The following QTGAL variants were observed in gnomAD, a reference collection of about 807,000 sequenced individuals.
QTGAL encodes BGnT-like protein 1.
At chr17:83,014,558 T>A in the QTGAL span, 1 of 1,608,392 alleles carries the variant, frequency 6.2e-7, no homozygotes. Flanking sequence ...TTTGTTTGCA[T>A]TGATTGATGC....
the QTGAL span, among the ~76,000 whole-genome samples, chr17:83,002,753 C>T: frequency 6.6e-6 from 1 of 152,222 alleles, no homozygotes; most frequent in African/African-American, 2.4e-5. Flanking sequence ...TTGTCCACAT[C>T]GCATGCAGCA....
the QTGAL span, among the ~76,000 whole-genome samples, chr17:82,964,082 C>T: frequency 9.3e-5 from 14 of 149,884 alleles, no homozygotes; most frequent in South Asian, 2.3e-3. Flanking sequence ...GGCAACATGT[C>T]GAAACCAGTC....
At chr17:82,996,422 T>C in the QTGAL span, among the ~76,000 whole-genome samples, 1 of 150,700 alleles carries the variant, frequency 6.6e-6, no homozygotes, top group Non-Finnish European at 1.5e-5. Context: ...CTCAGCAAGC[T>C]GAGGCAGGAG....
the QTGAL span, among the ~76,000 whole-genome samples, chr17:83,041,930 T>C: frequency 1.3e-5 from 2 of 152,192 alleles, no homozygotes; most frequent in Non-Finnish European, 2.9e-5. Context: ...AGGCAGTTCA[T>C]TGTAGGGCTG....
the QTGAL span, among the ~76,000 whole-genome samples, chr17:82,965,276 C>T: frequency 6.6e-6 from 1 of 151,942 alleles, no homozygotes; most frequent in Non-Finnish European, 1.5e-5. Context: ...TGCAGGTGCA[C>T]CCCCGGGGGG....
chr17:82,997,678 A>G, the QTGAL span, among the ~76,000 whole-genome samples: 1 of 152,218 alleles, frequency 6.6e-6, no homozygotes, highest in African/African-American at 2.4e-5. Context: ...TGTGGTACAT[A>G]CACACAATGA....
chr17:82,953,027 G>A, the QTGAL span, among the ~76,000 whole-genome samples: 1 of 152,158 alleles, frequency 6.6e-6, no homozygotes, highest in African/African-American at 2.4e-5. Flanking sequence ...CAGAATCCCT[G>A]GGACACAGCT....
the QTGAL span, among the ~76,000 whole-genome samples, chr17:82,974,095 T>C: frequency 5.1e-4 from 78 of 152,182 alleles, no homozygotes; most frequent in African/African-American, 1.8e-3. Context: ...CCTCGGAGAG[T>C]TCTCCTGCCC....
At chr17:82,987,447 A>G in the QTGAL span, among the ~76,000 whole-genome samples, 1 of 152,246 alleles carries the variant, frequency 6.6e-6, no homozygotes, top group African/African-American at 2.4e-5. Flanking sequence ...AAGTACACTA[A>G]TGACAGTCAC....
the QTGAL span, chr17:82,946,842 A>C: frequency 1.4e-6 from 2 of 1,471,180 alleles, no homozygotes; most frequent in Non-Finnish European, 1.9e-6. Context: ...CATAATAAAG[A>C]AACAAACCCA....
chr17:82,980,384 G>A, the QTGAL span, among the ~76,000 whole-genome samples: 1 of 152,118 alleles, frequency 6.6e-6, no homozygotes, highest in Non-Finnish European at 1.5e-5. Flanking sequence ...CACCAGTCAG[G>A]CATCCTCTAA....
the QTGAL span, among the ~76,000 whole-genome samples, chr17:83,011,234 G>A: frequency 2.5e-4 from 38 of 152,354 alleles, no homozygotes; most frequent in Non-Finnish European, 4.0e-4. Flanking sequence ...CCTCAGGAAC[G>A]GGGGCAAGTT....
the QTGAL span, among the ~76,000 whole-genome samples, chr17:83,027,028 C>A: frequency 6.7e-6 from 1 of 149,214 alleles, no homozygotes; most frequent in Non-Finnish European, 1.5e-5. Context: ...AGCCTGCAGA[C>A]AAACCCACCC....
At chr17:83,045,790 C>G in the QTGAL span, among the ~76,000 whole-genome samples, 1 of 150,400 alleles carries the variant, frequency 6.6e-6, no homozygotes, top group Admixed American at 6.6e-5. Flanking sequence ...ATAAACATTT[C>G]TTCAAGGAAG....
the QTGAL span, chr17:83,006,287 C>T: frequency 2.9e-5 from 29 of 985,370 alleles, no homozygotes; most frequent in Non-Finnish European, 3.4e-5. The surrounding 1 kb of genome is among the most constrained non-coding windows in gnomAD (Gnocchi z 5.8). Context: ...ACTTGTGTAG[C>T]GTTTACGCGT....
the QTGAL span, among the ~76,000 whole-genome samples, chr17:82,980,109 T>C: frequency 9.5e-4 from 144 of 152,194 alleles, no homozygotes; most frequent in Non-Finnish European, 1.8e-3. Flanking sequence ...TGTAAAACTA[T>C]AAAACTTTTA....
the QTGAL span, among the ~76,000 whole-genome samples, chr17:82,969,461 G>A: frequency 6.6e-6 from 1 of 152,116 alleles, no homozygotes; most frequent in Non-Finnish European, 1.5e-5. Context: ...CACCTGCCTC[G>A]GCCTCCCAAA....
chr17:82,946,810 G>T, the QTGAL span: 1 of 1,260,192 alleles, frequency 7.9e-7, no homozygotes, highest in Non-Finnish European at 1.1e-6. Context: ...TAGAATAAGA[G>T]CAGAATGAAA....
At chr17:83,010,259 G>A in the QTGAL span, among the ~76,000 whole-genome samples, 74 of 152,238 alleles carry the variant, frequency 4.9e-4, no homozygotes, top group Non-Finnish European at 7.8e-4. Flanking sequence ...GGCTTCGGCC[G>A]CCACTCCTGA....
Sources: allele counts gnomAD v4.1 joint callset (sites outside exome capture counted in the v4.1 genomes callset), GRCh38; gene constraint gnomAD v4.1.1; non-coding constraint Gnocchi (gnomAD v3.1); transcripts MANE v1.5; gene names NCBI Gene and HGNC (gene_info 2026-07-23, HGNC 2026-07-21).